POFUT3: variants seen among roughly 807,000 people sequenced by gnomAD.
POFUT3 encodes protein O-fucosyltransferase 3, also known as GDP-fucose protein O-fucosyltransferase 3.
At chr8:33,415,092 T>C in the POFUT3 span, among the ~76,000 whole-genome samples, 1 of 151,730 alleles carries the variant, frequency 6.6e-6, no homozygotes. Context: ...TGAAACCCCG[T>C]CTCTACAAAA....
the POFUT3 span, among the ~76,000 whole-genome samples, chr8:33,450,866 A>G: frequency 6.6e-6 from 1 of 152,304 alleles, no homozygotes; most frequent in East Asian, 1.9e-4. Flanking sequence ...AGTCCCAAAA[A>G]AGTCACCAAG....
At chr8:33,349,525 C>T in the POFUT3 span, among the ~76,000 whole-genome samples, 8 of 152,152 alleles carry the variant, frequency 5.3e-5, no homozygotes, top group African/African-American at 1.7e-4. Flanking sequence ...TAAGTGAGAA[C>T]ATACGATGTT....
the POFUT3 span, among the ~76,000 whole-genome samples, chr8:33,447,411 T>C: frequency 1.3e-5 from 2 of 151,740 alleles, no homozygotes; most frequent in Admixed American, 1.3e-4. Context: ...ATCGTGCCAC[T>C]GCACTCCAGC....
the POFUT3 span, among the ~76,000 whole-genome samples, chr8:33,414,364 A>T: frequency 6.6e-6 from 1 of 152,094 alleles, no homozygotes; most frequent in Non-Finnish European, 1.5e-5. Context: ...CTTTCAGTTC[A>T]TTCATTCCTC....
chr8:33,432,238 C>T, the POFUT3 span, among the ~76,000 whole-genome samples: 1,896 of 151,840 alleles, frequency 0.012, 41 homozygotes, highest in African/African-American at 0.043. Context: ...GGTGAAACCC[C>T]GTCTCTACTA....
the POFUT3 span, among the ~76,000 whole-genome samples, chr8:33,409,856 G>A: frequency 6.6e-6 from 1 of 152,212 alleles, no homozygotes; most frequent in Admixed American, 6.5e-5. Context: ...AGTGAGCGGA[G>A]ATTGCGCCAC....
the POFUT3 span, among the ~76,000 whole-genome samples, chr8:33,370,151 C>T: frequency 8.6e-6 from 1 of 115,818 alleles, no homozygotes; most frequent in African/African-American, 3.3e-5. Context: ...GGCCAATATG[C>T]TGAAACCCCA....
chr8:33,432,157 C>T, the POFUT3 span, among the ~76,000 whole-genome samples: 18 of 152,022 alleles, frequency 1.2e-4, no homozygotes, highest in Admixed American at 9.8e-4. Context: ...CGCCTGTAAT[C>T]CCAGCACTTT....
chr8:33,344,230 C>T, the POFUT3 span, among the ~76,000 whole-genome samples: 524 of 152,168 alleles, frequency 3.4e-3, 3 homozygotes, highest in African/African-American at 0.011. Context: ...AGTCTGGATA[C>T]GCTTATGTTT....
chr8:33,378,820 T>C, the POFUT3 span, among the ~76,000 whole-genome samples: 1 of 152,164 alleles, frequency 6.6e-6, no homozygotes, highest in Non-Finnish European at 1.5e-5. Context: ...GTTTGAAACC[T>C]GAGGAGCACA....
the POFUT3 span, among the ~76,000 whole-genome samples, chr8:33,469,329 A>G: frequency 6.6e-6 from 1 of 152,198 alleles, no homozygotes; most frequent in African/African-American, 2.4e-5. Context: ...AAACAAAAAC[A>G]AAAACAAAAA....
chr8:33,460,805 A>G, the POFUT3 span: 1 of 941,648 alleles, frequency 1.1e-6, no homozygotes, highest in Non-Finnish European at 1.3e-6. Flanking sequence ...GGTGAATTGG[A>G]AGGGTCTCCC....
At chr8:33,319,618 AAT>A in the POFUT3 span, among the ~76,000 whole-genome samples, 41 of 16,002 alleles carry the variant, frequency 2.6e-3, 3 homozygotes, top group Middle Eastern at 0.029. Context: ...ATATTATATA[AAT>A]ATATATATTT....
the POFUT3 span, among the ~76,000 whole-genome samples, chr8:33,404,581 T>C: frequency 6.6e-6 from 1 of 152,188 alleles, no homozygotes; most frequent in Non-Finnish European, 1.5e-5. Flanking sequence ...CCCAGATTTC[T>C]GACTAATTTA....
the POFUT3 span, among the ~76,000 whole-genome samples, chr8:33,408,547 G>A: frequency 6.6e-6 from 1 of 152,130 alleles, no homozygotes; most frequent in Admixed American, 6.6e-5. Flanking sequence ...CCTCAGCATG[G>A]GCACAAGAAG....
the POFUT3 span, among the ~76,000 whole-genome samples, chr8:33,455,433 AG>A: frequency 6.6e-6 from 1 of 152,118 alleles, no homozygotes; most frequent in African/African-American, 2.4e-5. Flanking sequence ...CTGAGACCAG[AG>A]GATCACTTGA....
the POFUT3 span, among the ~76,000 whole-genome samples, chr8:33,380,311 A>G: frequency 7.4e-6 from 1 of 135,312 alleles, no homozygotes. Flanking sequence ...CAGCAGGGAG[A>G]TGTAATATAA....
At chr8:33,314,063 T>A in the POFUT3 span, among the ~76,000 whole-genome samples, 5 of 152,196 alleles carry the variant, frequency 3.3e-5, no homozygotes, top group African/African-American at 1.2e-4. Flanking sequence ...GAGATTTGAT[T>A]AACACCATCC....
chr8:33,332,331 A>T, the POFUT3 span, among the ~76,000 whole-genome samples: 1 of 151,646 alleles, frequency 6.6e-6, no homozygotes, highest in Non-Finnish European at 1.5e-5. Context: ...TAAAAAAAGA[A>T]AATACAAAAA....
Sources: gnomAD v4.1 joint callset for allele counts (sites outside exome capture counted in the v4.1 genomes callset) on GRCh38, gnomAD v4.1.1 for gene constraint, MANE v1.5 for transcripts, NCBI Gene and HGNC (gene_info 2026-07-23, HGNC 2026-07-21) for gene names.